The following STOX2 variants were observed in gnomAD, a reference collection of about 807,000 sequenced individuals.
The protein encoded by STOX2 is storkhead box 2.
Under a neutral mutation model 60.9 loss-of-function variants are expected in STOX2, and 28 were observed. The observed-to-expected ratio is 0.46, with a 90% confidence interval of 0.34 to 0.63. The LOEUF is 0.63. Ranked by LOEUF, STOX2 falls within the 30% of genes least tolerant of loss-of-function variation. STOX2 has a pLI of 0.01. For synonymous variants in STOX2, 472 were observed against 463.9 expected (o/e 1.02, Z -0.22); for missense variants, 1,024 against 1,187.7 (o/e 0.86, Z 2.03).
intron 1 of STOX2, among the ~76,000 whole-genome samples, chr4:183,919,780 T>A (rs1742046180): frequency 6.6e-6 from 1 of 152,062 alleles, no homozygotes; most frequent in African/African-American, 2.4e-5. Context: ...TATTTTTAAA[T>A]TTTTTTGTAG....
chr4:183,879,466 A>G (rs759368762), intron 1 of STOX2, among the ~76,000 whole-genome samples: 7 of 152,210 alleles, frequency 4.6e-5, no homozygotes, highest in African/African-American at 1.2e-4. Context: ...CGAGTTCACA[A>G]TGCGGCTGGG....
chr4:183,872,406 T>G (rs1740714678), intron 1 of STOX2, among the ~76,000 whole-genome samples: 1 of 152,126 alleles, frequency 6.6e-6, no homozygotes, highest in Non-Finnish European at 1.5e-5. Flanking sequence ...TCGAAACACC[T>G]TCAGTTTAGG....
chr4:183,935,462 C>T (rs1161002678), intron 1 of STOX2, among the ~76,000 whole-genome samples: 1 of 152,230 alleles, frequency 6.6e-6, no homozygotes, highest in African/African-American at 2.4e-5. Flanking sequence ...ATAAGTCTAT[C>T]TGCTTATTCC....
chr4:183,882,654 C>G (rs940648794), intron 1 of STOX2, among the ~76,000 whole-genome samples: 7 of 152,316 alleles, frequency 4.6e-5, no homozygotes, highest in African/African-American at 1.7e-4. Context: ...ATTTACTATG[C>G]CTGGGTTACA....
intron 1 of STOX2, chr4:183,798,112 C>T (rs891900375): frequency 8.2e-7 from 1 of 1,217,096 alleles, no homozygotes; most frequent in Non-Finnish European, 1.0e-6. Context: ...GCGTCCGTGC[C>T]GTGCGGTCGC....
At chr4:183,864,902 T>G (rs1353846608) in intron 1 of STOX2, among the ~76,000 whole-genome samples, 2 of 152,202 alleles carry the variant, frequency 1.3e-5, no homozygotes, top group Non-Finnish European at 2.9e-5. Flanking sequence ...CAGGTTTCTC[T>G]ACTTTTAAAT....
rs1741618051 is a variant in STOX2 at position 183,906,621 on chromosome 4, G to C, written c.-170G>C. 1 of 639,136 alleles carries C rather than the reference G, an allele frequency of 1.6e-6. No individual in the cohort carries two copies. The highest frequency in any genetic ancestry group is 2.6e-6 in the Non-Finnish European group (1 of 383,610). 39.6% of individuals were successfully genotyped at this position (639,136 alleles called of 1,614,324 possible). A position where few individuals can be genotyped will look rare whatever the true frequency, so the allele number is the denominator to read the frequency against. ...GCCTTCGCCGTGGGGGTGTGGGGGG[G>C]CGTGGGGAGGGCCGGACCCGCCGCT... On this transcript the variant is annotated 5_prime_UTR_variant, in exon 1 of 4. Coordinates refer to ENST00000308497, the MANE Select transcript of STOX2 (RefSeq NM_020225.3).
chr4:183,899,738 C>T (rs1741422921), intron 1 of STOX2, among the ~76,000 whole-genome samples: 1 of 152,216 alleles, frequency 6.6e-6, no homozygotes, highest in African/African-American at 2.4e-5. Context: ...GAAGGAAGTG[C>T]TGATGGAGAA....
chr4:183,827,270 G>A (rs947553069), intron 1 of STOX2, among the ~76,000 whole-genome samples: 1 of 152,172 alleles, frequency 6.6e-6, no homozygotes, highest in African/African-American at 2.4e-5. Context: ...GGCCAAGGAG[G>A]GAGCATCGCT....
rs564301010 is a variant in STOX2 at position 183,945,269 on chromosome 4, G to T, written c.166+38313G>T. ...AAGGGAACGTAGGAGAATTTCAGTT[G>T]CAGAATTCGGGGGTTGGAAGTGGAA... On this transcript the variant is annotated intron_variant, in intron 1 of 3. Coordinates refer to ENST00000308497, the MANE Select transcript of STOX2 (RefSeq NM_020225.3). 3.9e-5 allele frequency among the ~76,000 whole-genome samples: 6 copies of T among 152,268 alleles called. No homozygotes were observed. The East Asian group carries it at 1.2e-3, about 29-fold the overall frequency.
intron 1 of STOX2, among the ~76,000 whole-genome samples, chr4:183,810,853 A>G (rs569749429): frequency 4.0e-4 from 61 of 152,252 alleles, no homozygotes; most frequent in Non-Finnish European, 1.2e-4. Flanking sequence ...TTGTTCATAA[A>G]TTAACCAATC....
At chr4:184,002,248 A>G (rs1029317642) in intron 2 of STOX2, among the ~76,000 whole-genome samples, 5 of 152,248 alleles carry the variant, frequency 3.3e-5, no homozygotes, top group Admixed American at 2.6e-4. Flanking sequence ...TGCCAGCAAC[A>G]TGCAAGTCAA....
chr4:183,815,007 TA>T (rs200508588), intron 1 of STOX2, among the ~76,000 whole-genome samples: 146 of 152,158 alleles, frequency 9.6e-4, no homozygotes, highest in African/African-American at 3.4e-3. Flanking sequence ...TATTTTATTT[TA>T]TTTTTTTTCA....
At chr4:183,922,390 A>G (rs1236714625) in intron 1 of STOX2, among the ~76,000 whole-genome samples, 1 of 148,970 alleles carries the variant, frequency 6.7e-6, no homozygotes, top group Non-Finnish European at 1.5e-5. Flanking sequence ...TCTGTCGCCC[A>G]GGCTAGAGTG....
chr4:184,010,054 G>T lies in STOX2; in HGVS notation c.1216G>T (p.Val406Leu), dbSNP rs1387346182. The change falls in exon 3 of 4, where the codon GTG (valine) becomes TTG (leucine). Residue 406 changes from valine (V) to leucine (L), a missense_variant. This residue lies in a region of STOX2 where 922 missense variants were observed against 1,058.3 expected (regional missense o/e 0.87). Transcript: ENST00000308497. The surrounding 1 kb of genome is among the most constrained non-coding windows in gnomAD (Gnocchi z 4.5). ...EYDFCDPLTR[V>L]PREGCFIIEH... ...TGACTTTTGTGATCCTCTTACCAGG[G>T]TGCCCAGGGAGGGCTGCTTCATCAT... 4 of 1,613,672 alleles carry T rather than the reference G, an allele frequency of 2.5e-6. No individual in the cohort carries two copies. Among genetic ancestry groups the T allele is most frequent in the Non-Finnish European group, 3.4e-6 (4 of 1,179,806 alleles).
intron 1 of STOX2, among the ~76,000 whole-genome samples, chr4:183,835,249 G>A (rs867862481): frequency 5.4e-5 from 8 of 149,100 alleles, no homozygotes; most frequent in Middle Eastern, 3.2e-3. Flanking sequence ...TTTTGAGACG[G>A]AGTCTGGCTC....
At chr4:183,996,283 G>A (rs983814693) in intron 1 of STOX2, among the ~76,000 whole-genome samples, 1 of 152,196 alleles carries the variant, frequency 6.6e-6, no homozygotes, top group Non-Finnish European at 1.5e-5. Context: ...CAGAATTATA[G>A]CAGTTTAGAA....
At chr4:183,908,095 A>C (rs1741669511) in intron 1 of STOX2, among the ~76,000 whole-genome samples, 1 of 152,240 alleles carries the variant, frequency 6.6e-6, no homozygotes, top group African/African-American at 2.4e-5. Context: ...ATGCTTCAAA[A>C]ATGCCTTGCG....
intron 1 of STOX2, among the ~76,000 whole-genome samples, chr4:183,940,432 G>A (rs773574341): frequency 2.6e-5 from 4 of 152,138 alleles, no homozygotes; most frequent in Admixed American, 2.0e-4. Context: ...CGGTTACTCC[G>A]GGGATGTGTG....
Sources: allele counts gnomAD v4.1 joint callset (sites outside exome capture counted in the v4.1 genomes callset), GRCh38; gene constraint gnomAD v4.1.1; regional missense constraint gnomAD v4.1.1; non-coding constraint Gnocchi (gnomAD v3.1); transcripts MANE v1.5; gene names NCBI Gene and HGNC (gene_info 2026-07-23, HGNC 2026-07-21).